NRG1: variants seen among roughly 807,000 people sequenced by gnomAD.
NRG1 encodes pro-neuregulin-1, membrane-bound isoform.
In NRG1, 18 loss-of-function variants were observed where a neutral mutation model predicts 63.8. The ratio of observed to expected loss-of-function variants is 0.28; its 90% CI spans 0.19 to 0.42. The LOEUF is 0.42. NRG1 is among the 10% of genes least tolerant of loss of function. The probability of loss-of-function intolerance (pLI) is 1.00; values close to 1 mark genes in which losing one functional copy is unlikely to be tolerated. For synonymous variants in NRG1, 302 were observed against 301.3 expected (o/e 1.00, Z -0.02); for missense variants, 762 against 814.7 (o/e 0.94, Z 0.79).
intron 1 of NRG1, among the ~76,000 whole-genome samples, chr8:31,745,156 G>A (rs900284993): frequency 6.6e-5 from 10 of 151,960 alleles, no homozygotes; most frequent in East Asian, 1.9e-4. Context: ...ATGAATGCAC[G>A]ATCCTGCTTT....
intron 1 of NRG1, among the ~76,000 whole-genome samples, chr8:31,893,374 C>T (rs1217225758): frequency 2.0e-5 from 3 of 151,408 alleles, no homozygotes; most frequent in Non-Finnish European, 4.4e-5. Context: ...TAAATATGTT[C>T]TCCTTATAGT....
chr8:32,404,256 A>G (rs1239624792), intron 1 of NRG1, among the ~76,000 whole-genome samples: 1 of 152,108 alleles, frequency 6.6e-6, no homozygotes, highest in Admixed American at 6.5e-5. Flanking sequence ...AAAACTTGGG[A>G]TGCAAAGGGG....
chr8:32,771,197 A>G (rs942066046), downstream of NRG1, among the ~76,000 whole-genome samples: 2 of 151,544 alleles, frequency 1.3e-5, no homozygotes, highest in African/African-American at 4.9e-5. Flanking sequence ...TGCAACCTGT[A>G]ACTCCTGAGC....
intron 1 of NRG1, among the ~76,000 whole-genome samples, chr8:32,494,082 G>A (rs1207305021): frequency 6.6e-6 from 1 of 152,010 alleles, no homozygotes; most frequent in Non-Finnish European, 1.5e-5. Context: ...GTAATCAAGT[G>A]GCTTTTACAA....
intron 1 of NRG1, among the ~76,000 whole-genome samples, chr8:32,196,114 A>AGTGT: frequency 1.0e-5 from 1 of 98,680 alleles, no homozygotes; most frequent in East Asian, 2.3e-4. Flanking sequence ...CAGTAAAAAC[A>AGTGT]ATGAGTGTGT....
At chr8:31,748,990 T>A (rs1816175604) in intron 1 of NRG1, among the ~76,000 whole-genome samples, 1 of 151,844 alleles carries the variant, frequency 6.6e-6, no homozygotes, top group African/African-American at 2.4e-5. Context: ...TTTTCAGTAA[T>A]AAAAATTTGA....
At position 32,002,554 on chromosome 8, in the gene NRG1, T is replaced by C. The variant is rs534667386; in HGVS notation, c.37+363123T>C. 3.3e-5 allele frequency among the ~76,000 whole-genome samples: 5 copies of C among 152,076 alleles called. No homozygotes were observed. In the South Asian group the frequency reaches 1.0e-3, roughly 32 times the overall value. On this transcript the variant is annotated intron_variant, in intron 1 of 10. Transcript: ENST00000519301. ...TTTTTTTAAGCACTTCCTTACTTTC[T>C]GGAACGACATGATTCTCCAGGCTTA...
chr8:31,955,206 A>T (rs1804165110), intron 1 of NRG1, among the ~76,000 whole-genome samples: 1 of 152,180 alleles, frequency 6.6e-6, no homozygotes, highest in Non-Finnish European at 1.5e-5. Flanking sequence ...CCTAATATTA[A>T]ATTTTTAAAA....
At chr8:32,189,236 G>A (rs1228527272) in intron 1 of NRG1, among the ~76,000 whole-genome samples, 1 of 151,896 alleles carries the variant, frequency 6.6e-6, no homozygotes, top group East Asian at 1.9e-4. Flanking sequence ...GCCCCCTTCC[G>A]TCTTCCCCCT....
intron 1 of NRG1, among the ~76,000 whole-genome samples, chr8:31,939,014 C>T (rs990833978): frequency 2.0e-5 from 3 of 152,114 alleles, no homozygotes; most frequent in African/African-American, 7.2e-5. Context: ...AGGAAGATAT[C>T]CCCGGCCTTG....
chr8:32,322,483 A>G (rs1180558980), intron 1 of NRG1, among the ~76,000 whole-genome samples: 1 of 152,024 alleles, frequency 6.6e-6, no homozygotes, highest in Non-Finnish European at 1.5e-5. Flanking sequence ...AAGGATTTTT[A>G]AACAATTTAA....
chr8:32,140,347 C>T lies in NRG1; in HGVS notation c.38-455481C>T, dbSNP rs187560645. ...CCTATCCAACCTTAGTTTTTCTGCT[C>T]GATAATATAAATTCTCCCTTTCAGT... On this transcript the variant is annotated intron_variant, in intron 1 of 10. Coordinates refer to the NRG1 transcript ENST00000519301. Among the ~76,000 whole-genome samples, 38 of 152,056 alleles carry T rather than the reference C, an allele frequency of 2.5e-4. 1 individual carries two copies. Among genetic ancestry groups the T allele is most frequent in the Admixed American group, 2.1e-3 (32 of 15,260 alleles).
chr8:31,857,747 G>A (rs1828060605), intron 1 of NRG1, among the ~76,000 whole-genome samples: 1 of 152,132 alleles, frequency 6.6e-6, no homozygotes, highest in South Asian at 2.1e-4. Flanking sequence ...TTTTATTTTA[G>A]ACTATGAAAG....
chr8:32,184,546 TAA>T (rs1223549092), intron 1 of NRG1, among the ~76,000 whole-genome samples: 33 of 152,174 alleles, frequency 2.2e-4, no homozygotes, highest in African/African-American at 6.7e-4. Context: ...TCCAATGGGA[TAA>T]CATTTAAACT....
At chr8:32,316,014 C>A (rs1400013182) in intron 1 of NRG1, among the ~76,000 whole-genome samples, 1 of 152,096 alleles carries the variant, frequency 6.6e-6, no homozygotes, top group Non-Finnish European at 1.5e-5. Flanking sequence ...GACGATTAAC[C>A]TACTTGAAGA....
At chr8:31,809,840 A>AT (rs145293219) in intron 1 of NRG1, among the ~76,000 whole-genome samples, 12,022 of 122,032 alleles carry the variant, frequency 0.099, 678 homozygotes, top group Admixed American at 0.17. Flanking sequence ...CTCTTTTAGA[A>AT]TTTTTTTTTT....
Position 32,310,866 on chromosome 8 carries a change from A to T in NRG1, c.38-284962A>T, listed in dbSNP as rs1463923594. Among the ~76,000 whole-genome samples, 7 of 152,044 alleles carry T rather than the reference A, an allele frequency of 4.6e-5. No individual in the cohort carries two copies. In the East Asian group the frequency reaches 1.4e-3, roughly 29 times the overall value. ...CAAGCTTGGACTTCTTCCCCCTCAC[A>T]TGCTTGCTGTTTCATGTTTCATGTT... On this transcript the variant is annotated intron_variant, in intron 1 of 10. Transcript: ENST00000519301.
At chr8:32,140,872 C>G (rs151144898) in intron 1 of NRG1, among the ~76,000 whole-genome samples, 2 of 152,250 alleles carry the variant, frequency 1.3e-5, no homozygotes, top group African/African-American at 4.8e-5. Flanking sequence ...TATCCTTTCT[C>G]TGCACTTTGT....
At chr8:32,645,709 T>C (rs1177814104) in intron 5 of NRG1, among the ~76,000 whole-genome samples, 1 of 152,198 alleles carries the variant, frequency 6.6e-6, no homozygotes, top group Non-Finnish European at 1.5e-5. Context: ...CAGACTCCTA[T>C]TGACATAAGT....
Sources: allele counts gnomAD v4.1 joint callset (sites outside exome capture counted in the v4.1 genomes callset), GRCh38; gene constraint gnomAD v4.1.1; transcripts MANE v1.5; gene names NCBI Gene and HGNC (gene_info 2026-07-23, HGNC 2026-07-21).